FAM135A: variants seen among roughly 807,000 people sequenced by gnomAD.
FAM135A encodes the protein protein FAM135A.
In FAM135A, 79 loss-of-function variants were observed where a neutral mutation model predicts 146.8. The observed-to-expected ratio is 0.54, with a 90% confidence interval of 0.45 to 0.65. The LOEUF (loss-of-function observed/expected upper bound fraction) is 0.65, where lower values mean the gene tolerates loss of function less well. FAM135A is among the 30% of genes least tolerant of loss of function. The pLI is 0.00. For synonymous variants in FAM135A, 562 were observed against 603.6 expected, an observed-to-expected ratio of 0.93 and a Z score of 1.01; for missense variants, 1,623 against 1,758.2, an observed-to-expected ratio of 0.92 and a Z score of 1.38.
intron 11 of FAM135A, among the ~76,000 whole-genome samples, chr6:70,498,534 T>C (rs1787830613): frequency 6.6e-6 from 1 of 152,046 alleles, no homozygotes; most frequent in Admixed American, 6.6e-5. Context: ...AATTTGTTTG[T>C]TCTTGCTTCT....
intron 8 of FAM135A, among the ~76,000 whole-genome samples, chr6:70,479,972 T>C (rs1028129386): frequency 3.9e-5 from 6 of 152,192 alleles, no homozygotes; most frequent in African/African-American, 1.4e-4. Flanking sequence ...TTTGCTGGGA[T>C]ATAGACATTT....
intron 11 of FAM135A, among the ~76,000 whole-genome samples, chr6:70,497,886 T>C (rs564491204): frequency 2.0e-5 from 3 of 152,360 alleles, no homozygotes; most frequent in South Asian, 2.1e-4. Context: ...CAGTATTTTA[T>C]TGAGGATTTT....
chr6:70,524,871 AC>A lies in FAM135A; in HGVS notation c.1789del (p.Gln597SerfsTer5), dbSNP rs1554159139. ...KSPDIENVQPDQFDPLNSGNL... is the reference protein window; with the variant it reads ...KSPDIENVQPXQFDPLNSGNL... ...CCAGATATTGAAAATGTTCAACCAG[AC>A]CAGTTTGATCCTTTGAACTCTGGCA... is the stretch of plus-strand genomic sequence containing the variant. On this transcript the variant is annotated frameshift_variant, in exon 15 of 22. Transcript: ENST00000418814. LOFTEE classifies it high-confidence loss of function. The A allele has an allele frequency of 6.2e-7, 1 of 1,610,658 alleles. No homozygotes were observed. The highest frequency in any genetic ancestry group is 8.5e-7 in the Non-Finnish European group (1 of 1,178,292).
intron 5 of FAM135A, among the ~76,000 whole-genome samples, chr6:70,463,743 A>G (rs1779867255): frequency 6.6e-6 from 1 of 152,224 alleles, no homozygotes; most frequent in South Asian, 2.1e-4. Context: ...TGTTATCAGT[A>G]ATTGAATAAT....
At chr6:70,494,982 C>T (rs1411693723) in intron 11 of FAM135A, among the ~76,000 whole-genome samples, 1 of 152,154 alleles carries the variant, frequency 6.6e-6, no homozygotes, top group Non-Finnish European at 1.5e-5. Context: ...TTAAAACCCT[C>T]CTTGGGGACA....
At chr6:70,523,483 C>G (rs1348229903) in intron 13 of FAM135A, among the ~76,000 whole-genome samples, 1 of 152,020 alleles carries the variant, frequency 6.6e-6, no homozygotes, top group Non-Finnish European at 1.5e-5. Flanking sequence ...TCTGTTTTAA[C>G]TGTTTTGTAT....
intron 19 of FAM135A, among the ~76,000 whole-genome samples, chr6:70,537,829 CATT>C (rs1479353086): frequency 6.6e-6 from 1 of 152,078 alleles, no homozygotes; most frequent in East Asian, 1.9e-4. Flanking sequence ...TATTAGAAAA[CATT>C]AAACAATTTT....
intron 12 of FAM135A, among the ~76,000 whole-genome samples, chr6:70,512,837 T>C (rs1163119297): frequency 4.0e-5 from 6 of 151,862 alleles, no homozygotes; most frequent in Non-Finnish European, 8.8e-5. Context: ...TACTTTTGTG[T>C]CCTAAGAAAT....
At chr6:70,419,336 T>C (rs1168730664) in intron 2 of FAM135A, among the ~76,000 whole-genome samples, 2 of 152,030 alleles carry the variant, frequency 1.3e-5, no homozygotes, top group African/African-American at 4.8e-5. Context: ...GGAGAGTCAC[T>C]TGAACCTGGG....
intron 12 of FAM135A, 56 bp downstream of exon 12, chr6:70,502,847 A>G (rs776013954): frequency 5.2e-6 from 8 of 1,530,690 alleles, no homozygotes; most frequent in Non-Finnish European, 6.2e-6. Flanking sequence ...TTACCTTTAG[A>G]AAATTTTTAT....
chr6:70,436,328 A>C (rs948917155), intron 4 of FAM135A, among the ~76,000 whole-genome samples: 8 of 152,206 alleles, frequency 5.3e-5, no homozygotes, highest in African/African-American at 1.9e-4. Flanking sequence ...ATAAGGACTG[A>C]GAATACTCGA....
chr6:70,465,033 A>G (rs1191112104), intron 5 of FAM135A, among the ~76,000 whole-genome samples: 1 of 147,932 alleles, frequency 6.8e-6, no homozygotes, highest in African/African-American at 2.5e-5. Context: ...TTGAACAGCA[A>G]CTCCCCATTT....
At chr6:70,433,399 G>T (rs1025630884) in intron 4 of FAM135A, among the ~76,000 whole-genome samples, 17 of 152,230 alleles carry the variant, frequency 1.1e-4, no homozygotes, top group Non-Finnish European at 5.9e-5. Context: ...AACATGAAAG[G>T]AGGCACTGTT....
intron 20 of FAM135A, among the ~76,000 whole-genome samples, chr6:70,550,934 T>C (rs559700292): frequency 1.3e-5 from 2 of 152,352 alleles, no homozygotes; most frequent in South Asian, 2.1e-4. Flanking sequence ...CCTTCCACTT[T>C]TATGTTATGG....
chr6:70,468,502 G>A (rs1780917234), intron 5 of FAM135A, among the ~76,000 whole-genome samples: 1 of 152,156 alleles, frequency 6.6e-6, no homozygotes, highest in Admixed American at 6.6e-5. Context: ...CATGGGACTT[G>A]GAAGAGTGAA....
chr6:70,427,253 C>CG (rs1264768135), intron 3 of FAM135A, among the ~76,000 whole-genome samples: 1 of 151,882 alleles, frequency 6.6e-6, no homozygotes, highest in Non-Finnish European at 1.5e-5. Context: ...AATTAATGGC[C>CG]GGGGGCGGTG....
rs1785831692 is a variant in FAM135A at position 70,491,081 on chromosome 6, A to G, written c.871A>G (p.Lys291Glu). 3 of 1,600,702 alleles carry G rather than the reference A, an allele frequency of 1.9e-6. No individual in the cohort carries two copies. Among genetic ancestry groups the G allele is most frequent in the Non-Finnish European group, 1.7e-6 (2 of 1,174,626 alleles). ...ACTTACTGAACTATGTGAAGAAGTT[A>G]AGGTACTTGGATTTTTTAAATTCAC... ...ARLTELCEEV[K>E]KIENPDELAE... The change falls in exon 11 of 22, where the codon AAG (lysine) becomes GAG (glutamate). Residue 291 changes from lysine to glutamate, a missense_variant and splice_region_variant. By Grantham distance (56) the Lys-to-Glu change is moderately conservative. Around this residue, in one of 7 missense-constraint regions of FAM135A, gnomAD observed 206 missense variants for 194.7 expected, o/e 1.06. Transcript: ENST00000418814.
chr6:70,430,566 A>G (rs527472554), intron 4 of FAM135A, among the ~76,000 whole-genome samples: 2 of 152,312 alleles, frequency 1.3e-5, no homozygotes, highest in East Asian at 1.9e-4. Flanking sequence ...TTTTTGAGAC[A>G]TGCTTGCTCT....
chr6:70,525,706 A>C lies in FAM135A; in HGVS notation c.2622A>C (p.Leu874=), dbSNP rs1561974885. Residue 874 remains leucine (L), a synonymous_variant, in exon 15 of 22, where the codon CTA becomes CTC. Coordinates refer to ENST00000418814, the MANE Select transcript of FAM135A (RefSeq NM_001162529.3). ...ATGATAGCAAAACTGTATTAAATCTAGGAACGACTGATTTGCCAAAATGTG... is the reference window on the plus strand; with the variant it reads ...ATGATAGCAAAACTGTATTAAATCTCGGAACGACTGATTTGCCAAAATGTG... ...HLNDSKTVLN[L]GTTDLPKCDD... is the part of the protein sequence containing the mutation. The C allele has an allele frequency of 1.2e-6, 2 of 1,612,860 alleles. No homozygotes were observed. The highest frequency in any genetic ancestry group is 1.7e-6 in the Non-Finnish European group (2 of 1,179,536).
Sources: allele counts gnomAD v4.1 joint callset (sites outside exome capture counted in the v4.1 genomes callset), GRCh38; gene constraint gnomAD v4.1.1; regional missense constraint gnomAD v4.1.1; transcripts MANE v1.5; gene names NCBI Gene and HGNC (gene_info 2026-07-23, HGNC 2026-07-21).